Variants in MIPOL1 observed in about 807,000 individuals in gnomAD.
The protein encoded by MIPOL1 is mirror-image polydactyly 1.
In MIPOL1, 57 loss-of-function variants were observed where a neutral mutation model predicts 60.9. That is an observed-to-expected ratio of 0.94 (90% CI 0.76 to 1.17). The LOEUF is 1.17. Among genes scored for constraint, MIPOL1 ranks in the 50% most tolerant of loss-of-function variants. The pLI is 0.00. For synonymous variants in MIPOL1, 179 were observed against 168.8 expected (o/e 1.06, Z -0.47); for missense variants, 551 against 511.6 (o/e 1.08, Z -0.74).
intron 11 of MIPOL1, among the ~76,000 whole-genome samples, chr14:37,453,536 ACT>A (rs1343817167): frequency 1.3e-5 from 2 of 151,600 alleles, no homozygotes; most frequent in Non-Finnish European, 2.9e-5. Flanking sequence ...TACCTGCTTG[ACT>A]CTGAGTAATT....
intron 1 of MIPOL1, among the ~76,000 whole-genome samples, chr14:37,239,711 A>G (rs925079789): frequency 2.0e-5 from 3 of 152,130 alleles, no homozygotes; most frequent in African/African-American, 7.2e-5. Flanking sequence ...TCATATTTTT[A>G]CTACATGCTT....
At chr14:37,227,300 G>A (rs1969907529) in intron 1 of MIPOL1, among the ~76,000 whole-genome samples, 1 of 152,046 alleles carries the variant, frequency 6.6e-6, no homozygotes, top group South Asian at 2.1e-4. Context: ...CCCCCAAAGA[G>A]GTGATCAATT....
intron 12 of MIPOL1, chr14:37,501,654 C>T (rs2153614299): frequency 1.3e-5 from 2 of 152,268 alleles, no homozygotes; most frequent in South Asian, 4.2e-4. Flanking sequence ...AGGAACAGCT[C>T]TAGTCTGCAG....
intron 11 of MIPOL1, among the ~76,000 whole-genome samples, chr14:37,465,035 G>A (rs1000226150): frequency 1.3e-5 from 2 of 152,110 alleles, no homozygotes; most frequent in Non-Finnish European, 2.9e-5. Context: ...CTGATCTGAC[G>A]TTGATCTCTG....
At chr14:37,317,635 A>G (rs1385028572) in intron 9 of MIPOL1, among the ~76,000 whole-genome samples, 2 of 152,150 alleles carry the variant, frequency 1.3e-5, no homozygotes, top group Non-Finnish European at 2.9e-5. Flanking sequence ...ACAGAAGGCA[A>G]GGTCCCGGAT....
chr14:37,303,388 A>C (rs542794534), intron 7 of MIPOL1, among the ~76,000 whole-genome samples: 2 of 151,862 alleles, frequency 1.3e-5, no homozygotes, highest in East Asian at 1.9e-4. Flanking sequence ...CAGTGTTACA[A>C]CCATCTGCCT....
In MIPOL1 at chr14:37,379,097, A is replaced by G. The variant is rs544641425; in HGVS notation, c.936+9473A>G. On this transcript the variant is annotated intron_variant, in intron 10 of 12. Coordinates refer to ENST00000684589, the MANE Select transcript of MIPOL1 (RefSeq NM_001388067.1). ...CTACAGTAATCAAGATAGTATGGTAATAGCATAAGGACAGACATACAGATA... is the reference window on the plus strand; with the variant it reads ...CTACAGTAATCAAGATAGTATGGTAGTAGCATAAGGACAGACATACAGATA... 2.6e-4 allele frequency among the ~76,000 whole-genome samples: 39 copies of G among 152,226 alleles called. 1 individual carries two copies. Among genetic ancestry groups the G allele is most frequent in the Admixed American group, 1.7e-3 (26 of 15,260 alleles).
chr14:37,270,567 C>T (rs191467411), intron 6 of MIPOL1, 42 bp downstream of exon 6: 3 of 1,063,688 alleles, frequency 2.8e-6, no homozygotes, highest in Non-Finnish European at 4.0e-6. Context: ...AAGAATCACA[C>T]ACAAGGTTAT....
intron 11 of MIPOL1, among the ~76,000 whole-genome samples, chr14:37,447,325 A>C (rs992149361): frequency 6.6e-6 from 1 of 152,162 alleles, no homozygotes; most frequent in South Asian, 2.1e-4. Context: ...CTAATATACT[A>C]TCTGGCTGAT....
intron 10 of MIPOL1, among the ~76,000 whole-genome samples, chr14:37,407,398 G>C (rs1249708981): frequency 6.6e-6 from 1 of 152,008 alleles, no homozygotes; most frequent in Non-Finnish European, 1.5e-5. Flanking sequence ...TTTCCCTAAA[G>C]GATTCACATT....
intron 1 of MIPOL1, among the ~76,000 whole-genome samples, chr14:37,200,567 A>G (rs1274131014): frequency 6.6e-6 from 1 of 151,940 alleles, no homozygotes; most frequent in Non-Finnish European, 1.5e-5. Context: ...GATTAAACTC[A>G]AGTTTAGTTT....
intron 11 of MIPOL1, among the ~76,000 whole-genome samples, chr14:37,477,046 G>A (rs903325394): frequency 1.3e-5 from 2 of 151,698 alleles, no homozygotes; most frequent in South Asian, 2.1e-4. Context: ...GATTACAGGC[G>A]TGTACCACAC....
chr14:37,363,095 C>T (rs1417619169), intron 9 of MIPOL1, among the ~76,000 whole-genome samples: 1 of 152,146 alleles, frequency 6.6e-6, no homozygotes, highest in African/African-American at 2.4e-5. Context: ...TACTGACCTT[C>T]TGAAGCCTAC....
chr14:37,233,107 A>G (rs1448547464), intron 1 of MIPOL1, among the ~76,000 whole-genome samples: 1 of 152,186 alleles, frequency 6.6e-6, no homozygotes, highest in Non-Finnish European at 1.5e-5. Flanking sequence ...ATTTGGGGTA[A>G]CACGTGTATT....
chr14:37,290,682 T>C (rs1357703574), intron 7 of MIPOL1, among the ~76,000 whole-genome samples: 1 of 152,232 alleles, frequency 6.6e-6, no homozygotes, highest in Admixed American at 6.5e-5. Context: ...ATTCTTCCTT[T>C]ATTTCATGGA....
intron 12 of MIPOL1, among the ~76,000 whole-genome samples, chr14:37,509,092 A>G (rs1430410700): frequency 2.6e-5 from 4 of 151,834 alleles, no homozygotes; most frequent in African/African-American, 7.3e-5. Context: ...CCTCTACACA[A>G]TTCCCGGGAA....
chr14:37,457,372 A>C (rs1325366215), intron 11 of MIPOL1, among the ~76,000 whole-genome samples: 1 of 152,208 alleles, frequency 6.6e-6, no homozygotes, highest in Admixed American at 6.5e-5. Context: ...GAGAATAGAC[A>C]TGGCTTCAAC....
At chr14:37,218,924 C>CAAAAAAA (rs150658949) in intron 1 of MIPOL1, among the ~76,000 whole-genome samples, 13 of 106,658 alleles carry the variant, frequency 1.2e-4, no homozygotes, top group East Asian at 3.3e-4. Context: ...GACCCTATTT[C>CAAAAAAA]AAAAAAAAAA....
At chr14:37,312,260 A>G (rs1379404237) in intron 9 of MIPOL1, among the ~76,000 whole-genome samples, 3 of 152,030 alleles carry the variant, frequency 2.0e-5, no homozygotes, top group Non-Finnish European at 4.4e-5. Context: ...AGCGGGTGCC[A>G]CCACACCTGG....
Sources: gnomAD v4.1 joint callset for allele counts (sites outside exome capture counted in the v4.1 genomes callset) on GRCh38, gnomAD v4.1.1 for gene constraint, MANE v1.5 for transcripts, NCBI Gene and HGNC (gene_info 2026-07-23, HGNC 2026-07-21) for gene names.